The following ANKRD11 variants were observed in gnomAD, a reference collection of about 807,000 sequenced individuals.
The protein encoded by ANKRD11 is ankyrin repeat domain 11.
In ANKRD11, 17 loss-of-function variants were observed where a neutral mutation model predicts 195.7. The observed-to-expected ratio is 0.09, with a 90% CI of 0.06 to 0.13. The LOEUF is 0.13. Among genes scored for constraint, ANKRD11 ranks in the 10% least tolerant of loss-of-function variants. ANKRD11 has a pLI of 1.00. For synonymous variants in ANKRD11, 1,953 were observed against 1,528.1 expected (o/e 1.28, Z -6.49); for missense variants, 3,735 against 3,566.1 (o/e 1.05, Z -1.21).
chr16:89,327,081 T>TGGATATGCAGAGGTG (rs2037774224), intron 2 of ANKRD11, among the ~76,000 whole-genome samples: 1 of 142,192 alleles, frequency 7.0e-6, no homozygotes, highest in Non-Finnish European at 1.5e-5. Context: ...ATGCAGAGGT[T>TGGATATGCAGAGGTG]GGAAATGCAG....
intron 2 of ANKRD11, among the ~76,000 whole-genome samples, chr16:89,333,212 A>C (rs1025346554): frequency 6.6e-6 from 1 of 152,260 alleles, no homozygotes; most frequent in African/African-American, 2.4e-5. Context: ...TTAGCATGTT[A>C]AACAGACACT....
chr16:89,437,873 G>A (rs2043282026), intron 1 of ANKRD11, among the ~76,000 whole-genome samples: 1 of 152,212 alleles, frequency 6.6e-6, no homozygotes, highest in African/African-American at 2.4e-5. Flanking sequence ...TCAGTGCAGG[G>A]CAATGCATAA....
chr16:89,284,569 G>A lies in ANKRD11; in HGVS notation c.1973C>T (p.Thr658Ile). The A allele has an allele frequency of 6.2e-7, 1 of 1,614,082 alleles. No homozygotes were observed. Among genetic ancestry groups the A allele is most frequent in the Non-Finnish European group, 8.5e-7 (1 of 1,180,036 alleles). The stretch of plus-strand genomic sequence containing the variant: ...CTGCTTGGAGTCCTCATATTCGTAA[G>A]TAAAACTTTTCAACTTCAGCTCTTG... The part of the protein sequence containing the change: ...ISQELKLKSF[T>I]YEYEDSKQKS... The change falls in exon 9 of 13, where the codon ACT becomes ATT. Residue 658 changes from threonine (T) to isoleucine (I), a missense_variant. Transcript: ENST00000301030.
At position 89,283,841 on chromosome 16, in the gene ANKRD11, T is replaced by C. The variant is rs2034457242; in HGVS notation, c.2701A>G (p.Arg901Gly). ...DSRAREKRDYREPFFRKKDRD... is the reference protein window; with the variant it reads ...DSRAREKRDYGEPFFRKKDRD... ...TCCTTCTTTCGGAAGAAGGGCTCTC[T>C]GTAGTCTCGCTTCTCCCGGGCCCGG... The change falls in exon 9 of 13, where the codon AGA (arginine) becomes GGA (glycine). Residue 901 changes from arginine to glycine, a missense_variant. Physicochemically the swap from Arg to Gly is moderately radical, Grantham distance 125 (BLOSUM62 -2). Coordinates refer to ENST00000301030, the MANE Select transcript of ANKRD11 (RefSeq NM_013275.6). The surrounding 1 kb of genome is among the most constrained non-coding windows in gnomAD (Gnocchi z 4.3). 1 of 1,614,182 alleles carries C rather than the reference T, an allele frequency of 6.2e-7. No individual in the cohort carries two copies. The highest frequency in any genetic ancestry group is 8.5e-7 in the Non-Finnish European group (1 of 1,180,040).
chr16:89,302,556 C>G (rs957185943), intron 4 of ANKRD11, among the ~76,000 whole-genome samples: 1 of 152,128 alleles, frequency 6.6e-6, no homozygotes, highest in African/African-American at 2.4e-5. Flanking sequence ...TGGCTGTGGA[C>G]TTGCTACTTT....
chr16:89,473,398 T>C (rs1480235991), intron 1 of ANKRD11, among the ~76,000 whole-genome samples: 3 of 152,206 alleles, frequency 2.0e-5, no homozygotes, highest in African/African-American at 7.2e-5. Context: ...CCTGACCAGC[T>C]GCTTCACTGA....
At chr16:89,427,693 G>C (rs184788876) in intron 1 of ANKRD11, among the ~76,000 whole-genome samples, 2 of 151,988 alleles carry the variant, frequency 1.3e-5, no homozygotes, top group Non-Finnish European at 2.9e-5. Flanking sequence ...CAGCTACTTG[G>C]GAGGCTGAGG....
chr16:89,329,586 A>G (rs1057017947), intron 2 of ANKRD11, among the ~76,000 whole-genome samples: 1 of 150,812 alleles, frequency 6.6e-6, no homozygotes, highest in African/African-American at 2.5e-5. Context: ...ATTAACTAGA[A>G]ACAGAAAAAA....
At chr16:89,356,549 A>ATCACGAGG (rs2039481684) in intron 2 of ANKRD11, among the ~76,000 whole-genome samples, 1 of 151,570 alleles carries the variant, frequency 6.6e-6, no homozygotes, top group Admixed American at 6.6e-5. Context: ...AGGCGGGCGG[A>ATCACGAGG]TCACGAGGTC....
chr16:89,343,455 G>C (rs1039581458), intron 2 of ANKRD11, among the ~76,000 whole-genome samples: 2 of 152,182 alleles, frequency 1.3e-5, no homozygotes, highest in African/African-American at 4.8e-5. Context: ...TCTCTTAAAA[G>C]CCAGGGTACA....
chr16:89,466,686 A>C (rs570368148), intron 1 of ANKRD11, among the ~76,000 whole-genome samples: 1 of 152,240 alleles, frequency 6.6e-6, no homozygotes, highest in Non-Finnish European at 1.5e-5. Flanking sequence ...GAATTGAAAC[A>C]GGTGTTAAAA....
At position 89,285,142 on chromosome 16, in the gene ANKRD11, A is replaced by T; in HGVS notation, c.1400T>A (p.Val467Asp). ...CTTGTCGCTCCGCTTTCCGAAGCGAACCTCTCTGCCTTTTGTTTCTTTCTT... is the reference window on the plus strand; with the variant it reads ...CTTGTCGCTCCGCTTTCCGAAGCGATCCTCTCTGCCTTTTGTTTCTTTCTT... ...KRKKETKGREVRFGKRSDKFC... is the reference protein window; with the variant it reads ...KRKKETKGREDRFGKRSDKFC... The change falls in exon 9 of 13, where the codon GTT (valine) becomes GAT (aspartate). Residue 467 changes from valine (V) to aspartate (D), a missense_variant. Transcript: ENST00000301030. This position sits in a 1 kb window ranked among gnomAD's most constrained non-coding sequence, Gnocchi z 5.6. 6 of 1,613,372 alleles carry T rather than the reference A, an allele frequency of 3.7e-6. No individual in the cohort carries two copies. The highest frequency in any genetic ancestry group is 5.1e-6 in the Non-Finnish European group (6 of 1,179,990).
chr16:89,282,077 T>A lies in ANKRD11; in HGVS notation c.4465A>T (p.Arg1489Trp). The change falls in exon 9 of 13, where the codon AGG becomes TGG. Residue 1489 changes from arginine to tryptophan, a missense_variant. Physicochemically the swap from Arg to Trp is moderately radical, Grantham distance 101. Transcript: ENST00000301030. ...CTGTGATGCCGCAGGAGCTCGTCCC[T>A]GTGATGCCGCAGCAGCCCATCCGCA... ...RHADGLLRHHRDELLRHHRDE... is the reference protein window; with the variant it reads ...RHADGLLRHHWDELLRHHRDE... 6.2e-7 allele frequency: 1 copy of A among 1,613,420 alleles called. No homozygotes were observed. The highest frequency in any genetic ancestry group is 2.2e-5 in the East Asian group (1 of 44,864).
intron 1 of ANKRD11, among the ~76,000 whole-genome samples, chr16:89,435,834 A>ACG (rs2043194546): frequency 6.8e-6 from 1 of 147,930 alleles, no homozygotes; most frequent in Admixed American, 6.7e-5. Flanking sequence ...ACACACACAC[A>ACG]CGCTTTCGGT....
At chr16:89,398,294 G>A (rs946727206) in intron 2 of ANKRD11, among the ~76,000 whole-genome samples, 2 of 150,320 alleles carry the variant, frequency 1.3e-5, no homozygotes, top group African/African-American at 4.9e-5. Flanking sequence ...TCAGCACTCT[G>A]GGAGGCTGAC....
chr16:89,395,188 C>G (rs1463793845), intron 2 of ANKRD11, among the ~76,000 whole-genome samples: 1 of 152,234 alleles, frequency 6.6e-6, no homozygotes, highest in Non-Finnish European at 1.5e-5. Context: ...AAGTTAGAGG[C>G]TTGGTCAATT....
intron 4 of ANKRD11, among the ~76,000 whole-genome samples, chr16:89,303,372 C>G (rs1003057181): frequency 6.6e-6 from 1 of 152,188 alleles, no homozygotes; most frequent in Non-Finnish European, 1.5e-5. Context: ...GCCTAAAGCC[C>G]GAGAGTACAC....
At chr16:89,330,656 CT>C (rs2038005420) in intron 2 of ANKRD11, among the ~76,000 whole-genome samples, 1 of 4,298 alleles carries the variant, frequency 2.3e-4, no homozygotes, top group African/African-American at 1.4e-3. Context: ...AGTACAGTGA[CT>C]GGGGGGGGGG....
In ANKRD11 at chr16:89,280,094, C is replaced by T. The variant is rs1567557144; in HGVS notation, c.6448G>A (p.Asp2150Asn). 5 of 1,613,204 alleles carry T rather than the reference C, an allele frequency of 3.1e-6. No individual in the cohort carries two copies. The highest frequency in any genetic ancestry group is 4.2e-6 in the Non-Finnish European group (5 of 1,179,922). Residue 2150 changes from aspartate (D) to asparagine (N), a missense_variant, in exon 9 of 13, where the codon GAT (aspartate) becomes AAT (asparagine). Transcript: ENST00000301030. ...ELPLQTKDAADGEAEPVEESL... is the reference protein window; with the variant it reads ...ELPLQTKDAANGEAEPVEESL... ...TCTTCCACGGGTTCCGCTTCACCAT[C>T]TGCGGCATCTTTAGTCTGCAGGGGA...
Sources: gnomAD v4.1 joint callset for allele counts (sites outside exome capture counted in the v4.1 genomes callset) on GRCh38, gnomAD v4.1.1 for gene constraint, Gnocchi (gnomAD v3.1) non-coding constraint, MANE v1.5 for transcripts, NCBI Gene and HGNC (gene_info 2026-07-23, HGNC 2026-07-21) for gene names.